Variants in TMEM150C observed in about 807,000 individuals in gnomAD.
TMEM150C encodes the protein tentonin 3.
TMEM150C carries 10 observed loss-of-function variants against 29.9 expected under a neutral mutation model. The ratio of observed to expected loss-of-function variants is 0.33; its 90% CI spans 0.21 to 0.57. The LOEUF is 0.57. TMEM150C is among the 20% of genes least tolerant of loss of function. The probability of loss-of-function intolerance (pLI) is 0.88; values close to 1 mark genes in which losing one functional copy is unlikely to be tolerated. For synonymous variants in TMEM150C, 101 were observed against 112.5 expected (o/e 0.90, Z 0.64); for missense variants, 251 against 303.6 (o/e 0.83, Z 1.29).
At chr4:82,535,290 T>TG (rs1219340300) in intron 1 of TMEM150C, among the ~76,000 whole-genome samples, 1 of 151,880 alleles carries the variant, frequency 6.6e-6, no homozygotes, top group African/African-American at 2.4e-5. Context: ...TGTCAAATGG[T>TG]GGGGAAGGGC....
At chr4:82,511,008 G>A (rs774046201) in intron 1 of TMEM150C, among the ~76,000 whole-genome samples, 19 of 152,208 alleles carry the variant, frequency 1.2e-4, no homozygotes, top group African/African-American at 2.9e-4. Context: ...GCAGGCTCTC[G>A]GATATAAATC....
chr4:82,489,928 A>T, intron 7 of TMEM150C, 133 bp downstream of exon 7: 1 of 859,288 alleles, frequency 1.2e-6, no homozygotes, highest in Non-Finnish European at 1.8e-6. Flanking sequence ...TTTTGTTTTT[A>T]TACCTGTTTA....
intron 1 of TMEM150C, among the ~76,000 whole-genome samples, chr4:82,560,367 C>T (rs1725881340): frequency 6.6e-6 from 1 of 152,170 alleles, no homozygotes; most frequent in Non-Finnish European, 1.5e-5. Flanking sequence ...AGCAAAACTT[C>T]TTTACCCTTT....
chr4:82,529,090 G>A (rs28612922), intron 1 of TMEM150C, among the ~76,000 whole-genome samples: 30 of 152,110 alleles, frequency 2.0e-4, no homozygotes, highest in African/African-American at 7.0e-4. Flanking sequence ...AGGAGCCAGC[G>A]GGAAGGCAGG....
chr4:82,503,124 G>C lies in TMEM150C; in HGVS notation c.81-12C>G, dbSNP rs905386655. The C allele has an allele frequency of 6.4e-7, 1 of 1,573,370 alleles. No homozygotes were observed. Among genetic ancestry groups the C allele is most frequent in the Admixed American group, 1.8e-5 (1 of 57,124 alleles). ...CAGCTATGAAGTATCTATCAAAAAA[G>C]AATAAGTTTATAGAACAAAGAAATT... On this transcript the variant is annotated splice_polypyrimidine_tract_variant and intron_variant, in intron 2 of 7. Coordinates refer to ENST00000449862, the MANE Select transcript of TMEM150C (RefSeq NM_001080506.3).
rs1308456150 is a variant in TMEM150C at position 82,483,550 on chromosome 4, C to T, written c.*1961G>A. The T allele has an allele frequency of 6.6e-6, 1 of 152,108 alleles. No individual in the cohort carries two copies. Among genetic ancestry groups the T allele is most frequent in the Non-Finnish European group, 1.5e-5 (1 of 68,000 alleles). 9.4% of individuals were successfully genotyped at this position (152,108 alleles called of 1,614,324 possible). On this transcript the variant is annotated 3_prime_UTR_variant, in exon 8 of 8. Coordinates refer to ENST00000449862, the MANE Select transcript of TMEM150C (RefSeq NM_001080506.3). The stretch of plus-strand genomic sequence containing the variant: ...TCTGATCCCTATTCATAACTTCTTC[C>T]ATTCCTGTCTCACATGAAACAGCCA...
At chr4:82,511,217 TACA>T (rs892663058) in intron 1 of TMEM150C, among the ~76,000 whole-genome samples, 1 of 152,196 alleles carries the variant, frequency 6.6e-6, no homozygotes, top group Non-Finnish European at 1.5e-5. Flanking sequence ...CCCCTGTTCC[TACA>T]ACATTTTTCA....
At chr4:82,491,513 A>T in intron 6 of TMEM150C, 1 of 672,340 alleles carries the variant, frequency 1.5e-6, no homozygotes, top group Middle Eastern at 3.7e-4. Context: ...TGTCCTGTCC[A>T]ATGCCAAAAT....
At chr4:82,531,684 G>A (rs1436977367) in intron 1 of TMEM150C, among the ~76,000 whole-genome samples, 1 of 151,056 alleles carries the variant, frequency 6.6e-6, no homozygotes, top group African/African-American at 2.4e-5. Flanking sequence ...GAACCCGGGA[G>A]GTGGAGGTTG....
chr4:82,504,226 G>A (rs1297962419), intron 2 of TMEM150C, among the ~76,000 whole-genome samples: 2 of 151,982 alleles, frequency 1.3e-5, no homozygotes, highest in African/African-American at 4.8e-5. Context: ...GGGGGGTGGG[G>A]ACAGTCTTGC....
chr4:82,531,256 T>C (rs1277819425), intron 1 of TMEM150C, among the ~76,000 whole-genome samples: 3 of 151,980 alleles, frequency 2.0e-5, no homozygotes, highest in Non-Finnish European at 1.5e-5. Flanking sequence ...TTCGAGACAT[T>C]TAGGAGAGAA....
rs1289298545 is a variant in TMEM150C at position 82,496,077 on chromosome 4, A to G, written c.354T>C (p.Gly118=). 11 of 1,613,986 alleles carry G rather than the reference A, an allele frequency of 6.8e-6. No individual in the cohort carries two copies. The highest frequency in any genetic ancestry group is 1.6e-4 in the Middle Eastern group (1 of 6,062). Residue 118 remains glycine, a synonymous_variant, in exon 6 of 8, where the codon GGT becomes GGC. Transcript: ENST00000449862. ...AGGCCAAATCAAGTACCTGAAAATT[A>G]CCAAGTAAGGTCATTCCGAAGGAAG... is the stretch of plus-strand genomic sequence containing the variant. ...CLASFGMTLL[G]NFQLTNDEEI...
chr4:82,495,436 G>A (rs1037507423), intron 6 of TMEM150C: 12 of 318,668 alleles, frequency 3.8e-5, no homozygotes, highest in South Asian at 1.5e-4. Context: ...GCGAGACTCC[G>A]TCTCAAAAAA....
chr4:82,538,215 G>A (rs1169915044), intron 1 of TMEM150C, among the ~76,000 whole-genome samples: 1 of 151,970 alleles, frequency 6.6e-6, no homozygotes, highest in Admixed American at 6.6e-5. Flanking sequence ...CCACCACCAC[G>A]CCTGGCTAAT....
chr4:82,538,591 T>C (rs1316949632), intron 1 of TMEM150C, among the ~76,000 whole-genome samples: 2 of 152,034 alleles, frequency 1.3e-5, no homozygotes, highest in African/African-American at 2.4e-5. Context: ...ATTGCCCTGA[T>C]AAATAAGATG....
intron 7 of TMEM150C, among the ~76,000 whole-genome samples, chr4:82,489,006 G>C (rs1560478410): frequency 6.6e-6 from 1 of 151,012 alleles, no homozygotes; most frequent in African/African-American, 2.4e-5. Context: ...GCCCACCTCA[G>C]CCTCCCCAGT....
At chr4:82,494,207 T>C (rs922037018) in intron 6 of TMEM150C, among the ~76,000 whole-genome samples, 7 of 152,170 alleles carry the variant, frequency 4.6e-5, no homozygotes, top group Non-Finnish European at 7.3e-5. Context: ...GTAATATAAA[T>C]AGCATAGGTT....
At chr4:82,560,632 G>A (rs1430925129) in intron 1 of TMEM150C, among the ~76,000 whole-genome samples, 1 of 152,066 alleles carries the variant, frequency 6.6e-6, no homozygotes, top group African/African-American at 2.4e-5. Context: ...CACATATATG[G>A]GCCTAACAAT....
chr4:82,494,422 T>C (rs893800929), intron 6 of TMEM150C, among the ~76,000 whole-genome samples: 3 of 152,212 alleles, frequency 2.0e-5, no homozygotes, highest in Non-Finnish European at 2.9e-5. Flanking sequence ...AAGTCATAAG[T>C]GTTCTGGAGA....
Sources: allele counts gnomAD v4.1 joint callset (sites outside exome capture counted in the v4.1 genomes callset), GRCh38; gene constraint gnomAD v4.1.1; transcripts MANE v1.5; gene names NCBI Gene and HGNC (gene_info 2026-07-23, HGNC 2026-07-21).